Variants in WDR87 observed in about 807,000 individuals in gnomAD.
WDR87 encodes WD repeat-containing protein 87.
A neutral mutation model predicts 83.3 loss-of-function variants in WDR87; 56 were observed. That is an observed-to-expected ratio of 0.67 (90% CI 0.54 to 0.84). The LOEUF (loss-of-function observed/expected upper bound fraction) is 0.84, where lower values mean the gene tolerates loss of function less well. Ranked by LOEUF, WDR87 falls within the 40% of genes least tolerant of loss-of-function variation. The probability of loss-of-function intolerance (pLI) is 0.00; values close to 1 mark genes in which losing one functional copy is unlikely to be tolerated. For synonymous variants in WDR87, 1,173 were observed against 1,250.6 expected (o/e 0.94, Z 1.31); for missense variants, 2,939 against 3,431.9 (o/e 0.86, Z 3.59).
rs2046224416 is a variant in WDR87, at chr19:37,893,369, C to T, written c.2334G>A (p.Val778=). ...CATAATGGCATTGGTAACGTTTGCT[C>T]ACCTGCATCCAATCTTCCATGTCCT... is the stretch of plus-strand genomic sequence containing the variant. ...SLQDMEDWMQ[V]SKRYQCHYVL... is the part of the protein sequence containing the mutation. The change falls in exon 4 of 6, where the codon GTG becomes GTA. Residue 778 remains valine (V), a synonymous_variant. Coordinates refer to ENST00000447313, the MANE Select transcript of WDR87 (RefSeq NM_001291088.2). 1 of 1,552,062 alleles carries T rather than the reference C, an allele frequency of 6.4e-7. No homozygotes were observed.
Position 37,889,057 on chromosome 19 carries a change from A to T in WDR87, c.4614T>A (p.Ala1538=). 1 of 1,551,960 alleles carries T rather than the reference A, an allele frequency of 6.4e-7. No homozygotes were observed. Among genetic ancestry groups the T allele is most frequent in the Non-Finnish European group, 8.7e-7 (1 of 1,147,050 alleles). Residue 1538 remains alanine, a synonymous_variant, in exon 6 of 6, where the codon GCT becomes GCA. Transcript: ENST00000447313. ...LLQEEEKLHQ[A]GEKLSPEEEM... ...CCTCCTCCGGGGATAGCTTCTCTCCAGCCTGATGTAGTTTCTCCTCTTCCT... is the reference window on the plus strand; with the variant it reads ...CCTCCTCCGGGGATAGCTTCTCTCCTGCCTGATGTAGTTTCTCCTCTTCCT...
rs1349337694 is a variant in WDR87, at chr19:37,889,446, C to T, written c.4225G>A (p.Gly1409Ser). 6.4e-7 allele frequency: 1 copy of T among 1,551,810 alleles called. No individual in the cohort carries two copies. Among genetic ancestry groups the T allele is most frequent in the Non-Finnish European group, 8.7e-7 (1 of 1,147,026 alleles). The change falls in exon 6 of 6, where the codon GGC becomes AGC. Residue 1409 changes from glycine to serine, a missense_variant. Coordinates refer to ENST00000447313, the MANE Select transcript of WDR87 (RefSeq NM_001291088.2). ...GGTTCTAAAAAAATAACTTTCTTGCCCTTTTTCAAAATCACTTGGGTTTCC... is the reference window on the plus strand; with the variant it reads ...GGTTCTAAAAAAATAACTTTCTTGCTCTTTTTCAAAATCACTTGGGTTTCC... ...LEETQVILKK[G>S]KKVIFLEPGN...
At chr19:37,891,447 C>T in intron 5 of WDR87, 105 bp downstream of exon 5, 1 of 1,390,116 alleles carries the variant, frequency 7.2e-7, no homozygotes, top group Non-Finnish European at 9.6e-7. Context: ...CAGGCATGAG[C>T]CATCATGTCC....
Position 37,895,038 on chromosome 19 carries a change from A to C in WDR87, c.665T>G (p.Met222Arg), listed in dbSNP as rs755903227. Residue 222 changes from methionine (M) to arginine (R), a missense_variant, in exon 4 of 6, where the codon ATG (methionine) becomes AGG (arginine). Coordinates refer to ENST00000447313, the MANE Select transcript of WDR87 (RefSeq NM_001291088.2). ...TCCCAGCTGGCCCTTGCCCTGGTGC[A>C]TAAGGACCCTCACCACCGTCTCACA... ...ALCETVVRVL[M>R]HQGKGQLGEV... is the part of the protein sequence containing the mutation. The C allele has an allele frequency of 6.4e-7, 1 of 1,551,592 alleles. No individual in the cohort carries two copies. The highest frequency in any genetic ancestry group is 8.7e-7 in the Non-Finnish European group (1 of 1,146,990).
At chr19:37,903,684 C>T (rs1369387092) in intron 1 of WDR87, among the ~76,000 whole-genome samples, 3 of 151,976 alleles carry the variant, frequency 2.0e-5, no homozygotes, top group Non-Finnish European at 4.4e-5. Context: ...CTAGTGCTAC[C>T]ACACCTGGCT....
At chr19:37,905,231 CAAAA>C (rs556366437) in intron 1 of WDR87, among the ~76,000 whole-genome samples, 4 of 64,016 alleles carry the variant, frequency 6.2e-5, no homozygotes, top group East Asian at 4.0e-4. Flanking sequence ...ACTCCGTCTC[CAAAA>C]AAAAAAAAAA....
chr19:37,891,595 G>A lies in WDR87; in HGVS notation c.3351C>T (p.Pro1117=). ...CTTGGCCTCGTCTTTGGCCTTTGCT[G>A]GGCTTGATGGCCACTTCAGATTCTT... ...VSEESEVAIK[P]SKGQRRGQAG... The change falls in exon 5 of 6, where the codon CCC becomes CCT. Residue 1117 remains proline, a synonymous_variant. Transcript: ENST00000447313. 4 of 1,552,066 alleles carry A rather than the reference G, an allele frequency of 2.6e-6. No homozygotes were observed. Among genetic ancestry groups the A allele is most frequent in the Non-Finnish European group, 3.5e-6 (4 of 1,147,074 alleles).
chr19:37,893,580 A>G lies in WDR87; in HGVS notation c.2123T>C (p.Phe708Ser), dbSNP rs769952285. 28 of 1,550,228 alleles carry G rather than the reference A, an allele frequency of 1.8e-5. No individual in the cohort carries two copies. The highest frequency in any genetic ancestry group is 2.4e-5 in the Non-Finnish European group (27 of 1,145,624). ...GGGCACAAACATGGTCTCAAAGGAG[A>G]AGAAGAAGCTTGGTATGAAAGGCTT... The part of the protein sequence containing the change: ...VPKPFIPSFF[F>S]SFETMFVPKY... The change falls in exon 4 of 6, where the codon TTC becomes TCC. Residue 708 changes from phenylalanine (F) to serine (S), a missense_variant. Around this residue, in one of 3 missense-constraint regions of WDR87, gnomAD observed 553 missense variants for 577.9 expected, o/e 0.96. Coordinates refer to ENST00000447313, the MANE Select transcript of WDR87 (RefSeq NM_001291088.2).
chr19:37,891,645 AG>A lies in WDR87; in HGVS notation c.3300del (p.Ser1101ProfsTer2). 1 of 1,551,902 alleles carries A rather than the reference AG, an allele frequency of 6.4e-7. No homozygotes were observed. ...LDVSMPSELK[S>X]SLKPPTVSEE... is the part of the protein sequence containing the mutation. ...TCAGAAACTGTAGGAGGTTTCAGGGAGGATTTAAGTTCAGAAGGCATTGAGA... is the reference window on the plus strand; with the variant it reads ...TCAGAAACTGTAGGAGGTTTCAGGGAGATTTAAGTTCAGAAGGCATTGAGA... On this transcript the variant is annotated frameshift_variant, in exon 5 of 6. Transcript: ENST00000447313. LOFTEE classifies it high-confidence loss of function.
Position 37,887,786 on chromosome 19 carries a change from AAACTATCCTCT to A in WDR87, c.5874_5884del (p.Glu1959GlyfsTer35). The A allele has an allele frequency of 6.4e-7, 1 of 1,551,830 alleles. No homozygotes were observed. Among genetic ancestry groups the A allele is most frequent in the South Asian group, 1.2e-5 (1 of 83,990 alleles). On this transcript the variant is annotated frameshift_variant, in exon 6 of 6. Coordinates refer to ENST00000447313, the MANE Select transcript of WDR87 (RefSeq NM_001291088.2). LOFTEE classifies it low-confidence loss of function (END_TRUNC). ...GGCCAATTTCTCCTGTTTTTTGGCC[AAACTATCCTCT>A]ACTTGGACCAATTTTTTCTCTGTTT...
In WDR87 at chr19:37,886,167, T is replaced by C. The variant is rs1471924619; in HGVS notation, c.7504A>G (p.Lys2502Glu). 1 of 1,551,638 alleles carries C rather than the reference T, an allele frequency of 6.4e-7. No homozygotes were observed. Residue 2502 changes from lysine to glutamate, a missense_variant, in exon 6 of 6, where the codon AAG becomes GAG. Lys to Glu is a moderately conservative substitution (Grantham distance 56). Around this residue, in one of 3 missense-constraint regions of WDR87, gnomAD observed 2,160 missense variants for 2,533.1 expected, o/e 0.85. Coordinates refer to ENST00000447313, the MANE Select transcript of WDR87 (RefSeq NM_001291088.2). ...AATATGTGGGACATAAATGGGGTCT[T>C]TAAGTCCTGTGCTTGGGACTCCAAA... Reference protein sequence around the residue: ...TVLESQAQDLKTPFMSHILRR... With the variant: ...TVLESQAQDLETPFMSHILRR...
At chr19:37,905,159 G>A (rs2046316509) in intron 1 of WDR87, among the ~76,000 whole-genome samples, 1 of 151,180 alleles carries the variant, frequency 6.6e-6, no homozygotes. Flanking sequence ...TTGAACCAGG[G>A]AGTCAGAGGT....
At chr19:37,904,478 C>T (rs2046311522) in intron 1 of WDR87, among the ~76,000 whole-genome samples, 1 of 151,984 alleles carries the variant, frequency 6.6e-6, no homozygotes, top group African/African-American at 2.4e-5. Context: ...TGAGCCTCAG[C>T]CTCCCTAGTA....
At position 37,886,816 on chromosome 19, in the gene WDR87, C is replaced by T. The variant is rs959813938; in HGVS notation, c.6855G>A (p.Glu2285=). 6.5e-5 allele frequency: 100 copies of T among 1,549,874 alleles called. No homozygotes were observed. The highest frequency in any genetic ancestry group is 8.5e-5 in the Non-Finnish European group (98 of 1,146,804). ...ELEKQESLSS[E]EEEEREEEEE... Reference sequence around the variant, plus strand: ...CTTCTTCCTCCCTTTCCTCCTCCTCCTCAGAAGACAAACTCTCTTGCTTTT... The same window carrying T: ...CTTCTTCCTCCCTTTCCTCCTCCTCTTCAGAAGACAAACTCTCTTGCTTTT... The change falls in exon 6 of 6, where the codon GAG becomes GAA. Residue 2285 remains glutamate, a synonymous_variant. Transcript: ENST00000447313.
At position 37,888,770 on chromosome 19, in the gene WDR87, A is replaced by G. The variant is rs2046175483; in HGVS notation, c.4901T>C (p.Leu1634Ser). 2 of 1,550,618 alleles carry G rather than the reference A, an allele frequency of 1.3e-6. No homozygotes were observed. Among genetic ancestry groups the G allele is most frequent in the Non-Finnish European group, 1.7e-6 (2 of 1,146,814 alleles). ...TGCAAGTTTCTCTTCTTCTTGTGCT[A>G]ATTTCCTCTCTTCTTGGGCTCGTTT... is the stretch of plus-strand genomic sequence containing the variant. The part of the protein sequence containing the change: ...EKKRAQEERK[L>S]AQEEEKLAQE... Residue 1634 changes from leucine (L) to serine (S), a missense_variant, in exon 6 of 6, where the codon TTA (leucine) becomes TCA (serine). Physicochemically the swap from Leu to Ser is moderately radical, Grantham distance 145 (BLOSUM62 -2). Transcript: ENST00000447313.
At position 37,885,030 on chromosome 19, in the gene WDR87, CAA is replaced by C. The variant is rs2046130030; in HGVS notation, c.8639_8640del (p.Ile2880SerfsTer15). On this transcript the variant is annotated frameshift_variant, in exon 6 of 6. Coordinates refer to ENST00000447313, the MANE Select transcript of WDR87 (RefSeq NM_001291088.2). LOFTEE classifies it low-confidence loss of function (END_TRUNC). ...NCVRTILPVG[I>X]ARYGILELAW... ...GCAAGTTCTAAGATCCCATACCGGG[CAA>C]TGCCCACGGGAAGGATGGTGCGCAC... 1 of 1,445,070 alleles carries C rather than the reference CAA, an allele frequency of 6.9e-7. No homozygotes were observed. The highest frequency in any genetic ancestry group is 9.1e-7 in the Non-Finnish European group (1 of 1,097,082). 89.5% of individuals were successfully genotyped at this position (1,445,070 alleles called of 1,614,324 possible). A position where few individuals can be genotyped will look rare whatever the true frequency, so the allele number is the denominator to read the frequency against.
At chr19:37,898,410 A>C in intron 1 of WDR87, 125 bp from the exon 2 acceptor site, 1 of 1,226,190 alleles carries the variant, frequency 8.2e-7, no homozygotes, top group Non-Finnish European at 1.1e-6. Context: ...TGTGCACAAG[A>C]CATACCTTCT....
At position 37,889,972 on chromosome 19, in the gene WDR87, C is replaced by T. The variant is rs766833061; in HGVS notation, c.3699G>A (p.Lys1233=). ...TAQKLKKKHK[K]KGKEAKVINE... is the part of the protein sequence containing the mutation. Reference sequence around the variant, plus strand: ...TTATAACTTTGGCTTCTTTTCCCTTCTTTTTGTGCTTCTTTTTGAGTTTCT... The same window carrying T: ...TTATAACTTTGGCTTCTTTTCCCTTTTTTTTGTGCTTCTTTTTGAGTTTCT... The change falls in exon 6 of 6, where the codon AAG becomes AAA. Residue 1233 remains lysine (K), a synonymous_variant. Coordinates refer to ENST00000447313, the MANE Select transcript of WDR87 (RefSeq NM_001291088.2). 6.4e-7 allele frequency: 1 copy of T among 1,551,664 alleles called. No homozygotes were observed. The highest frequency in any genetic ancestry group is 1.2e-5 in the South Asian group (1 of 84,052).
rs935262055 is a variant in WDR87 at position 37,890,062 on chromosome 19, G to A, written c.3609C>T (p.His1203=). 1.3e-6 allele frequency: 2 copies of A among 1,551,792 alleles called. No individual in the cohort carries two copies. The highest frequency in any genetic ancestry group is 1.7e-6 in the Non-Finnish European group (2 of 1,147,034). The change falls in exon 6 of 6, where the codon CAC becomes CAT. Residue 1203 remains histidine, a synonymous_variant. Coordinates refer to ENST00000447313, the MANE Select transcript of WDR87 (RefSeq NM_001291088.2). ...DSQEKDISKD[H]IALTLKRLQK... ...GCAGCCTCTTCAGGGTCAATGCAAT[G>A]TGATCCTTCGAGATATCTTTCTCTT...
Sources: allele counts gnomAD v4.1 joint callset (sites outside exome capture counted in the v4.1 genomes callset), GRCh38; gene constraint gnomAD v4.1.1; regional missense constraint gnomAD v4.1.1; transcripts MANE v1.5; gene names NCBI Gene and HGNC (gene_info 2026-07-23, HGNC 2026-07-21).